LYN: variants seen among roughly 807,000 people sequenced by gnomAD.
LYN encodes LYN proto-oncogene, Src family tyrosine kinase, also known as tyrosine-protein kinase Lyn.
In LYN, 12 loss-of-function variants were observed where a neutral mutation model predicts 65.0. The ratio of observed to expected loss-of-function variants is 0.18; its 90% confidence interval spans 0.12 to 0.30. The LOEUF (loss-of-function observed/expected upper bound fraction) is 0.30, where lower values mean the gene tolerates loss of function less well. LYN is among the 10% of genes least tolerant of loss of function. The pLI, the probability that LYN is intolerant of heterozygous loss-of-function variation, is 1.00. For missense variants in LYN, 380 were observed against 623.2 expected (o/e 0.61, Z 4.16); for synonymous variants, 222 against 221.2 (o/e 1.00, Z -0.03).
chr8:56,013,270 C>CTTT lies in LYN; in HGVS notation c.*3174_*3176dup, dbSNP rs546599670. The CTTT allele has an allele frequency of 0.062, 6,505 of 104,776 alleles. 227 individuals carry two copies. Among genetic ancestry groups the CTTT allele is most frequent in the African/African-American group, 0.095 (3,335 of 35,232 alleles). The allele number at this position is 104,776 out of a possible 1,614,324, so 6.5% of individuals were successfully genotyped here. ...TGTGGAGTCTGCTTTCTCGCTCTCTCTTTTTTTTTTTTTTTTGACAGAGTC... is the reference window on the plus strand; with the variant it reads ...TGTGGAGTCTGCTTTCTCGCTCTCTCTTTTTTTTTTTTTTTTTTTGACAGAGTC... On this transcript the variant is annotated 3_prime_UTR_variant, in exon 13 of 13. Transcript: ENST00000519728.
chr8:55,887,565 T>A (rs202195825), intron 1 of LYN, among the ~76,000 whole-genome samples: 3,135 of 48,012 alleles, frequency 0.065, 133 homozygotes, highest in East Asian at 0.27. Flanking sequence ...TAAATATATA[T>A]ATATATATAT....
chr8:55,908,222 CATTTATTTATTTATTTATTT>C (rs60930363), intron 1 of LYN, among the ~76,000 whole-genome samples: 10 of 143,050 alleles, frequency 7.0e-5, no homozygotes, highest in Non-Finnish European at 1.4e-4. Context: ...CTGTTTAAAC[CATTTATTTATTTATTTATTT>C]ATTTATTTAT....
At chr8:56,008,705 C>T (rs556842091) in intron 12 of LYN, among the ~76,000 whole-genome samples, 2 of 152,138 alleles carry the variant, frequency 1.3e-5, no homozygotes, top group Non-Finnish European at 2.9e-5. Flanking sequence ...ATTACCAGGC[C>T]TTTTGCAGAG....
chr8:55,915,082 G>T (rs1030018640), intron 1 of LYN, among the ~76,000 whole-genome samples: 7 of 152,118 alleles, frequency 4.6e-5, no homozygotes, highest in Non-Finnish European at 1.0e-4. Flanking sequence ...GGCTGATGAC[G>T]CTGCTTGTAC....
intron 10 of LYN, among the ~76,000 whole-genome samples, chr8:55,997,557 G>C (rs972647759): frequency 1.3e-5 from 2 of 152,032 alleles, no homozygotes; most frequent in Non-Finnish European, 2.9e-5. Flanking sequence ...AATCCCATTC[G>C]TGAGGGCTCC....
intron 2 of LYN, among the ~76,000 whole-genome samples, chr8:55,943,991 G>A (rs1356526223): frequency 1.3e-5 from 2 of 151,844 alleles, no homozygotes; most frequent in Admixed American, 6.6e-5. Context: ...GCTGAGGCAG[G>A]AGAATTGTTT....
chr8:56,003,169 C>T (rs928388590), intron 12 of LYN, among the ~76,000 whole-genome samples: 1 of 151,552 alleles, frequency 6.6e-6, no homozygotes, highest in Admixed American at 6.6e-5. Context: ...ACGCCGTTCT[C>T]TTGCCTCAGC....
Position 56,012,096 on chromosome 8 carries a change from C to A in LYN, c.*1986C>A. On this transcript the variant is annotated 3_prime_UTR_variant, in exon 13 of 13. Transcript: ENST00000519728. ...CACTTGTCTTTCCCTCCCAATCAAGCCTGTGATCCTTACCTCCATGTGGGC... is the reference window on the plus strand; with the variant it reads ...CACTTGTCTTTCCCTCCCAATCAAGACTGTGATCCTTACCTCCATGTGGGC... The A allele has an allele frequency of 5.2e-6, 1 of 191,168 alleles. No homozygotes were observed. The allele number at this position is 191,168 out of a possible 1,614,324, so 11.8% of individuals were successfully genotyped here. A position where few individuals can be genotyped will look rare whatever the true frequency, so the allele number is the denominator to read the frequency against.
intron 1 of LYN, among the ~76,000 whole-genome samples, chr8:55,929,805 TG>T (rs2130449205): frequency 6.6e-6 from 1 of 152,326 alleles, no homozygotes; most frequent in South Asian, 2.1e-4. Flanking sequence ...TGACAAACCC[TG>T]TTGTAGAGAA....
At chr8:55,944,284 T>TACA (rs1346153023) in intron 2 of LYN, among the ~76,000 whole-genome samples, 1 of 152,122 alleles carries the variant, frequency 6.6e-6, no homozygotes, top group East Asian at 1.9e-4. Context: ...GAAAGAAACA[T>TACA]TACATAAGTA....
At chr8:55,977,983 ACTT>A (rs1028587603) in intron 10 of LYN, among the ~76,000 whole-genome samples, 1 of 152,102 alleles carries the variant, frequency 6.6e-6, no homozygotes, top group Non-Finnish European at 1.5e-5. Context: ...AACGGACAGG[ACTT>A]CTTCTGAGCT....
At chr8:55,899,587 C>T (rs1407487885) in intron 1 of LYN, among the ~76,000 whole-genome samples, 1 of 152,234 alleles carries the variant, frequency 6.6e-6, no homozygotes, top group Admixed American at 6.5e-5. Flanking sequence ...AGATTGTATT[C>T]AACCAATCCT....
chr8:55,962,083 G>A (rs1807300595), intron 8 of LYN, among the ~76,000 whole-genome samples: 1 of 152,188 alleles, frequency 6.6e-6, no homozygotes, highest in African/African-American at 2.4e-5. Context: ...TTTACTCAAC[G>A]GGTTGGTGAG....
chr8:55,917,081 G>C (rs1211321466), intron 1 of LYN, among the ~76,000 whole-genome samples: 3 of 151,732 alleles, frequency 2.0e-5, no homozygotes, highest in Non-Finnish European at 4.4e-5. Flanking sequence ...GGAGGCTGAG[G>C]CACAAGAATC....
intron 1 of LYN, among the ~76,000 whole-genome samples, chr8:55,913,117 A>G (rs1805688039): frequency 6.6e-6 from 1 of 152,218 alleles, no homozygotes; most frequent in African/African-American, 2.4e-5. Context: ...CTCATATCCA[A>G]AAACCTTTTT....
At chr8:55,981,525 A>AT (rs1288752684) in intron 10 of LYN, among the ~76,000 whole-genome samples, 1 of 152,192 alleles carries the variant, frequency 6.6e-6, no homozygotes, top group South Asian at 2.1e-4. Flanking sequence ...GTTTAAAAAA[A>AT]TTTTTTTTAA....
intron 10 of LYN, among the ~76,000 whole-genome samples, chr8:55,995,691 C>A (rs974083227): frequency 3.3e-5 from 5 of 151,820 alleles, no homozygotes; most frequent in South Asian, 2.1e-4. Context: ...GTGAAAGGGG[C>A]AGGGAGGGAA....
intron 12 of LYN, among the ~76,000 whole-genome samples, chr8:56,004,316 CAG>C (rs1442708076): frequency 6.3e-5 from 8 of 126,010 alleles, no homozygotes; most frequent in South Asian, 2.4e-4. Context: ...TTTTTTGAGA[CAG>C]AGTCTCGCTC....
intron 12 of LYN, among the ~76,000 whole-genome samples, chr8:56,002,999 G>T (rs1037312110): frequency 6.6e-6 from 1 of 151,890 alleles, no homozygotes; most frequent in Non-Finnish European, 1.5e-5. Context: ...AATCCACGAT[G>T]AATGGAATTA....
Sources: gnomAD v4.1 joint callset for allele counts (sites outside exome capture counted in the v4.1 genomes callset) on GRCh38, gnomAD v4.1.1 for gene constraint, MANE v1.5 for transcripts, NCBI Gene and HGNC (gene_info 2026-07-23, HGNC 2026-07-21) for gene names.